ATP8B4: variants seen among roughly 807,000 people sequenced by gnomAD.
The protein encoded by ATP8B4 is probable phospholipid-transporting ATPase IM.
ATP8B4 carries 133 observed loss-of-function variants against 145.6 expected under a neutral mutation model. The observed-to-expected ratio is 0.91, with a 90% confidence interval of 0.79 to 1.05. The LOEUF is 1.05. Ranked by LOEUF, ATP8B4 falls within the 50% of genes least tolerant of loss-of-function variation. The probability of loss-of-function intolerance (pLI) is 0.00; values close to 1 mark genes in which losing one functional copy is unlikely to be tolerated. For synonymous variants in ATP8B4, 507 were observed against 492.9 expected (o/e 1.03, Z -0.38); for missense variants, 1,458 against 1,425.2 (o/e 1.02, Z -0.37).
At chr15:49,945,585 A>G (rs866812999) in intron 14 of ATP8B4, among the ~76,000 whole-genome samples, 7 of 152,296 alleles carry the variant, frequency 4.6e-5, no homozygotes, top group Middle Eastern at 6.8e-3. Flanking sequence ...GATTACCCCA[A>G]TTAACATGCA....
intron 25 of ATP8B4, among the ~76,000 whole-genome samples, chr15:49,868,659 T>G (rs1331303919): frequency 1.3e-5 from 2 of 152,080 alleles, no homozygotes; most frequent in Non-Finnish European, 2.9e-5. Context: ...AATTAACATG[T>G]AAGAGTTGGG....
At chr15:49,866,107 T>C (rs2032745202) in intron 26 of ATP8B4, among the ~76,000 whole-genome samples, 1 of 152,212 alleles carries the variant, frequency 6.6e-6, no homozygotes. Flanking sequence ...GCCTACTACA[T>C]GTAAGCTGTT....
chr15:49,957,386 C>T (rs182153182), intron 14 of ATP8B4, among the ~76,000 whole-genome samples: 54 of 151,542 alleles, frequency 3.6e-4, no homozygotes, highest in South Asian at 6.2e-4. Context: ...AAGAAAGAGA[C>T]CATATAAGGA....
At chr15:50,156,126 T>A (rs377694421) in intron 1 of ATP8B4, among the ~76,000 whole-genome samples, 101 of 8,576 alleles carry the variant, frequency 0.012, 5 homozygotes, top group Middle Eastern at 0.17. Context: ...ATAAATATAT[T>A]TATATATATA....
intron 4 of ATP8B4, among the ~76,000 whole-genome samples, chr15:50,045,265 T>A (rs1008062319): frequency 1.3e-5 from 2 of 152,176 alleles, no homozygotes; most frequent in Admixed American, 6.5e-5. Flanking sequence ...CAGGAAATGT[T>A]GCAGACCTGG....
Position 49,931,161 on chromosome 15 carries a change from A to G in ATP8B4, c.1600T>C (p.Phe534Leu), listed in dbSNP as rs762091320. Residue 534 changes from phenylalanine (F) to leucine (L), a missense_variant, in exon 16 of 28, where the codon TTT (phenylalanine) becomes CTT (leucine). Phe to Leu is a conservative substitution (Grantham distance 22, BLOSUM62 0). Transcript: ENST00000284509. ...TTTCTGGTGTTGTTGAAATCCAAAA[A>G]GGCAAGTAATTGATAAGTAACTAGT... ...GTLVTYQLLA[F>L]LDFNNTRKRM... is the part of the protein sequence containing the mutation. The G allele has an allele frequency of 1.9e-5, 31 of 1,612,094 alleles. No homozygotes were observed. The highest frequency in any genetic ancestry group is 2.7e-5 in the African/African-American group (2 of 74,778).
At chr15:50,049,738 C>G (rs2052025840) in intron 3 of ATP8B4, among the ~76,000 whole-genome samples, 1 of 152,198 alleles carries the variant, frequency 6.6e-6, no homozygotes, top group Admixed American at 6.5e-5. Flanking sequence ...CTGTTTTCCA[C>G]AATGGCTGAA....
At chr15:49,884,151 C>T (rs536828147) in intron 23 of ATP8B4, among the ~76,000 whole-genome samples, 2 of 152,006 alleles carry the variant, frequency 1.3e-5, no homozygotes, top group Admixed American at 1.3e-4. Context: ...CATTTTCATT[C>T]CTAAGATAAT....
chr15:50,095,049 G>A (rs1035348860), intron 2 of ATP8B4, among the ~76,000 whole-genome samples: 3 of 152,140 alleles, frequency 2.0e-5, no homozygotes, highest in East Asian at 3.9e-4. Context: ...GCATCAAAAC[G>A]TTTTGTGACC....
At position 49,916,978 on chromosome 15, in the gene ATP8B4, A is replaced by G; in HGVS notation, c.2097T>C (p.Phe699=). The G allele has an allele frequency of 6.2e-7, 1 of 1,613,956 alleles. No homozygotes were observed. The highest frequency in any genetic ancestry group is 8.5e-7 in the Non-Finnish European group (1 of 1,179,908). The part of the protein sequence containing the change: ...NMLTDDMNDV[F]VIAGNNAVEV... ...CCACAGCATTATTCCCTGCTATCACAAACACATCATTCATGTCGTCAGTCA... is the reference window on the plus strand; with the variant it reads ...CCACAGCATTATTCCCTGCTATCACGAACACATCATTCATGTCGTCAGTCA... Residue 699 remains phenylalanine (F), a synonymous_variant, in exon 20 of 28, where the codon TTT becomes TTC. Transcript: ENST00000284509.
intron 1 of ATP8B4, among the ~76,000 whole-genome samples, chr15:50,160,357 A>AT (rs919419847): frequency 7.9e-5 from 12 of 151,040 alleles, no homozygotes; most frequent in South Asian, 2.1e-4. Context: ...ATCTTTTGTA[A>AT]TTTTTTTAAT....
At chr15:49,947,181 C>G (rs4774551) in intron 14 of ATP8B4, among the ~76,000 whole-genome samples, 33,911 of 151,982 alleles carry the variant, frequency 0.22, 4,623 homozygotes, top group East Asian at 0.59. Flanking sequence ...GCTTGTAATC[C>G]CAGCATTTTG....
intron 6 of ATP8B4, among the ~76,000 whole-genome samples, chr15:50,035,851 T>C (rs1203576667): frequency 6.6e-6 from 1 of 152,168 alleles, no homozygotes; most frequent in African/African-American, 2.4e-5. Context: ...GACATGCCAA[T>C]GGCTCCTGCC....
chr15:50,148,898 A>T (rs1187630567), intron 1 of ATP8B4, among the ~76,000 whole-genome samples: 1 of 152,254 alleles, frequency 6.6e-6, no homozygotes, highest in Non-Finnish European at 1.5e-5. Context: ...ACGTACTGAA[A>T]GTATTTAGGA....
intron 4 of ATP8B4, among the ~76,000 whole-genome samples, chr15:50,046,860 C>A (rs1367198151): frequency 6.6e-6 from 1 of 152,094 alleles, no homozygotes; most frequent in African/African-American, 2.4e-5. Context: ...ACCAATTAAC[C>A]ATTCAAAACT....
intron 9 of ATP8B4, among the ~76,000 whole-genome samples, chr15:49,994,529 G>C (rs955821593): frequency 1.3e-5 from 2 of 152,054 alleles, no homozygotes; most frequent in South Asian, 2.1e-4. Flanking sequence ...AGATCCCTGT[G>C]TAGCTTACAC....
upstream of ATP8B4, among the ~76,000 whole-genome samples, chr15:50,120,417 T>C (rs2057256211): frequency 6.6e-6 from 1 of 152,242 alleles, no homozygotes; most frequent in Non-Finnish European, 1.5e-5. Flanking sequence ...AAAACATTTT[T>C]AAGTATCACC....
At chr15:49,990,802 C>T (rs79408058) in intron 9 of ATP8B4, among the ~76,000 whole-genome samples, 4 of 152,278 alleles carry the variant, frequency 2.6e-5, no homozygotes, top group Non-Finnish European at 5.9e-5. Context: ...TACTGCAACT[C>T]TTCCATAAGA....
At chr15:50,135,509 A>G (rs542365858) in intron 1 of ATP8B4, among the ~76,000 whole-genome samples, 1 of 152,194 alleles carries the variant, frequency 6.6e-6, no homozygotes, top group Non-Finnish European at 1.5e-5. Context: ...AGATCACTTT[A>G]TGTGACCTTT....
Sources: gnomAD v4.1 joint callset for allele counts (sites outside exome capture counted in the v4.1 genomes callset) on GRCh38, gnomAD v4.1.1 for gene constraint, MANE v1.5 for transcripts, NCBI Gene and HGNC (gene_info 2026-07-23, HGNC 2026-07-21) for gene names.